Variants in PAM observed in about 807,000 individuals in gnomAD.
PAM encodes the protein peptidyl-glycine alpha-amidating monooxygenase.
A neutral mutation model predicts 122.1 loss-of-function variants in PAM; 72 were observed. The observed-to-expected ratio is 0.59, with a 90% CI of 0.49 to 0.72. PAM has a LOEUF of 0.72. Ranked by LOEUF, PAM falls within the 30% of genes least tolerant of loss-of-function variation. The probability of loss-of-function intolerance (pLI) is 0.00; values close to 1 mark genes in which losing one functional copy is unlikely to be tolerated. For missense variants in PAM, 1,106 were observed against 1,183.7 expected (o/e 0.93, Z 0.96); for synonymous variants, 389 against 404.4 (o/e 0.96, Z 0.46).
At chr5:102,768,215 A>G (rs258137) in intron 1 of PAM, among the ~76,000 whole-genome samples, 71,396 of 151,700 alleles carry the variant, frequency 0.47, 16,967 homozygotes, top group East Asian at 0.52. Context: ...TTAATTTTTA[A>G]TTTTTGTGGA....
rs944505824 is a variant in PAM at position 102,916,626 on chromosome 5, T to A, written c.356+2605T>A. The stretch of plus-strand genomic sequence containing the variant: ...TTCTGACTTCCACAATCAGGCCTTT[T>A]TATATATATATATATATATTCCTTT... On this transcript the variant is annotated intron_variant, in intron 5 of 25. Transcript: ENST00000438793. Among the ~76,000 whole-genome samples, 298 of 143,942 alleles carry A rather than the reference T, an allele frequency of 2.1e-3. 1 individual carries two copies. The highest frequency in any genetic ancestry group is 3.7e-3 in the Middle Eastern group (1 of 272). The allele number at this position is 143,942 out of a possible 152,430, so 94.4% of individuals were successfully genotyped here.
intron 1 of PAM, among the ~76,000 whole-genome samples, chr5:102,828,966 C>T (rs1273932412): frequency 7.1e-6 from 1 of 140,540 alleles, no homozygotes; most frequent in Non-Finnish European, 1.5e-5. Flanking sequence ...ATTGCCTAGG[C>T]TGGTCTCAAA....
At chr5:102,849,848 A>G (rs1188428805) in intron 1 of PAM, among the ~76,000 whole-genome samples, 3 of 152,176 alleles carry the variant, frequency 2.0e-5, no homozygotes, top group African/African-American at 7.2e-5. Context: ...ACACCCTGCT[A>G]AAAGAGTGGA....
intron 3 of PAM, among the ~76,000 whole-genome samples, chr5:102,891,558 A>G (rs1794802995): frequency 6.6e-6 from 1 of 151,814 alleles, no homozygotes; most frequent in Admixed American, 6.6e-5. Flanking sequence ...ACTAAACATA[A>G]GTACCCCATG....
chr5:102,827,873 AG>A lies in PAM; in HGVS notation c.-373-37949del, dbSNP rs1242477438. On this transcript the variant is annotated intron_variant, in intron 1 of 25. Transcript: ENST00000438793. ...GGCTAATTTTTTGTATTTTTAGTAGAGACGGGGTTTCACCTTGTTAGCCAGG... is the reference window on the plus strand; with the variant it reads ...GGCTAATTTTTTGTATTTTTAGTAGAACGGGGTTTCACCTTGTTAGCCAGG... Among the ~76,000 whole-genome samples, 5 of 14,022 alleles carry A rather than the reference AG, an allele frequency of 3.6e-4. 1 individual carries two copies. The highest frequency in any genetic ancestry group is 0.071 in the Middle Eastern group (1 of 14). 9.2% of individuals were successfully genotyped at this position (14,022 alleles called of 152,430 possible).
chr5:102,766,926 A>ATTTTTTTTTTTTTTTTTTTTTTT lies in PAM; in HGVS notation c.-374+11587_-374+11609dup. Among the ~76,000 whole-genome samples, 82 of 25,854 alleles carry ATTTTTTTTTTTTTTTTTTTTTTT rather than the reference A, an allele frequency of 3.2e-3. 33 individuals are homozygous for ATTTTTTTTTTTTTTTTTTTTTTT. Among genetic ancestry groups the ATTTTTTTTTTTTTTTTTTTTTTT allele is most frequent in the East Asian group, 7.1e-3 (5 of 702 alleles). The allele number at this position is 25,854 out of a possible 152,430, so 17.0% of individuals were successfully genotyped here. A position where few individuals can be genotyped will look rare whatever the true frequency, so the allele number is the denominator to read the frequency against. On this transcript the variant is annotated intron_variant, in intron 1 of 25. Coordinates refer to ENST00000438793, the MANE Select transcript of PAM (RefSeq NM_001177306.2). ...ATTTATTTTATTGCTTCAGTTGTGG[A>ATTTTTTTTTTTTTTTTTTTTTTT]TTTTTTTTTTTTTTTTTTTTTTTTT...
At chr5:102,821,509 C>T (rs1771888074) in intron 1 of PAM, among the ~76,000 whole-genome samples, 1 of 152,164 alleles carries the variant, frequency 6.6e-6, no homozygotes, top group South Asian at 2.1e-4. Context: ...CAAATACCCA[C>T]TTGTACAAAT....
chr5:102,933,435 C>T (rs750001192), intron 7 of PAM, among the ~76,000 whole-genome samples: 110 of 152,242 alleles, frequency 7.2e-4, no homozygotes, highest in Non-Finnish European at 1.4e-3. Flanking sequence ...TTGATTTTTC[C>T]TTGCCCTCTT....
intron 1 of PAM, among the ~76,000 whole-genome samples, chr5:102,804,696 G>A (rs1037292484): frequency 2.0e-5 from 3 of 152,198 alleles, no homozygotes; most frequent in African/African-American, 7.2e-5. Flanking sequence ...CTAGGAGGAA[G>A]CTCAACCTAG....
At chr5:102,864,385 GA>G (rs890511625) in intron 1 of PAM, among the ~76,000 whole-genome samples, 49 of 152,190 alleles carry the variant, frequency 3.2e-4, no homozygotes, top group African/African-American at 1.2e-3. Flanking sequence ...AAGCCAAAGA[GA>G]AAGTTCAAAC....
intron 23 of PAM, among the ~76,000 whole-genome samples, chr5:103,023,302 A>G (rs962456855): frequency 6.6e-6 from 1 of 152,098 alleles, no homozygotes; most frequent in Non-Finnish European, 1.5e-5. Context: ...TAAACTTACT[A>G]AATGACAGGC....
intron 1 of PAM, among the ~76,000 whole-genome samples, chr5:102,841,093 A>G (rs1778472136): frequency 6.6e-6 from 1 of 152,112 alleles, no homozygotes. Flanking sequence ...GTTTAAGAAA[A>G]TTTTGTCATT....
intron 1 of PAM, among the ~76,000 whole-genome samples, chr5:102,795,903 C>T (rs1284178628): frequency 1.3e-5 from 2 of 152,088 alleles, no homozygotes; most frequent in African/African-American, 4.8e-5. Context: ...TTACAATTTC[C>T]ATTTTGTCAG....
intron 14 of PAM, among the ~76,000 whole-genome samples, chr5:102,970,222 A>G (rs1217105612): frequency 6.6e-6 from 1 of 152,236 alleles, no homozygotes; most frequent in Non-Finnish European, 1.5e-5. Flanking sequence ...ACCATCCAAT[A>G]TGGTAAACAC....
At chr5:102,880,367 G>A (rs577904670) in intron 3 of PAM, among the ~76,000 whole-genome samples, 102 of 151,784 alleles carry the variant, frequency 6.7e-4, no homozygotes, top group Admixed American at 1.2e-3. Context: ...TTTATATTTG[G>A]GGAAGAGAAT....
At chr5:102,919,972 A>AT (rs1746811675) in intron 5 of PAM, among the ~76,000 whole-genome samples, 1 of 152,092 alleles carries the variant, frequency 6.6e-6, no homozygotes, top group Non-Finnish European at 1.5e-5. Context: ...AAACAAATGC[A>AT]TTTTTCCTCA....
At chr5:102,817,996 C>A (rs76616761) in intron 1 of PAM, among the ~76,000 whole-genome samples, 1 of 133,550 alleles carries the variant, frequency 7.5e-6, no homozygotes, top group African/African-American at 2.8e-5. Context: ...AAACCTTTAC[C>A]GAAAACCTAC....
chr5:102,795,830 G>A (rs145865122), intron 1 of PAM, among the ~76,000 whole-genome samples: 4 of 152,206 alleles, frequency 2.6e-5, no homozygotes, highest in African/African-American at 9.6e-5. Flanking sequence ...TTTTGGGTGC[G>A]GAAAAGGGAA....
intron 1 of PAM, among the ~76,000 whole-genome samples, chr5:102,846,290 A>T (rs950127384): frequency 2.0e-5 from 3 of 152,180 alleles, no homozygotes; most frequent in Non-Finnish European, 2.9e-5. Flanking sequence ...CACCTATAGG[A>T]TAAAGATAAA....
Sources: gnomAD v4.1 joint callset for allele counts (sites outside exome capture counted in the v4.1 genomes callset) on GRCh38, gnomAD v4.1.1 for gene constraint, MANE v1.5 for transcripts, NCBI Gene and HGNC (gene_info 2026-07-23, HGNC 2026-07-21) for gene names.